HP1BP3: variants seen among roughly 807,000 people sequenced by gnomAD.
HP1BP3 encodes heterochromatin protein 1 binding protein 3.
Under a neutral mutation model 62.5 loss-of-function variants are expected in HP1BP3, and 12 were observed. The observed-to-expected ratio is 0.19, with a 90% confidence interval of 0.12 to 0.31. The LOEUF is 0.31. Among genes scored for constraint, HP1BP3 ranks in the 10% least tolerant of loss-of-function variants. The probability of loss-of-function intolerance (pLI) is 1.00; values close to 1 mark genes in which losing one functional copy is unlikely to be tolerated. For missense variants in HP1BP3, 502 were observed against 651.8 expected (o/e 0.77, Z 2.50); for synonymous variants, 260 against 237.8 (o/e 1.09, Z -0.86).
intron 1 of HP1BP3, among the ~76,000 whole-genome samples, chr1:20,783,562 G>A (rs1227372586): frequency 6.6e-6 from 1 of 150,950 alleles, no homozygotes; most frequent in Non-Finnish European, 1.5e-5. Flanking sequence ...AAAAAAAATA[G>A]AGATGTTAGA....
intron 8 of HP1BP3, among the ~76,000 whole-genome samples, chr1:20,759,303 T>G (rs952964318): frequency 6.6e-6 from 1 of 152,142 alleles, no homozygotes; most frequent in Admixed American, 6.5e-5. Flanking sequence ...GGGAGGCTGA[T>G]GAGGCAGAAG....
At chr1:20,765,993 A>G (rs2056764314) in intron 7 of HP1BP3, among the ~76,000 whole-genome samples, 1 of 146,754 alleles carries the variant, frequency 6.8e-6, no homozygotes, top group African/African-American at 2.5e-5. Context: ...AAAAAACACA[A>G]CAAAACAAGA....
chr1:20,765,871 A>C (rs1324642316), intron 7 of HP1BP3, among the ~76,000 whole-genome samples: 1 of 152,020 alleles, frequency 6.6e-6, no homozygotes. Flanking sequence ...AGGCTGAGGC[A>C]CAAGAACTGC....
Position 20,744,350 on chromosome 1 carries a change from AGGAG to A in HP1BP3, c.*443_*446del, listed in dbSNP as rs2055182081. 6.5e-6 allele frequency: 1 copy of A among 154,680 alleles called. No individual in the cohort carries two copies. The highest frequency in any genetic ancestry group is 1.4e-5 in the Non-Finnish European group (1 of 69,610). The allele number at this position is 154,680 out of a possible 1,614,324, so 9.6% of individuals were successfully genotyped here. ...ACAGCTATAACTGAAGTCTCCAGGC[AGGAG>A]GCTTTACAACTCAGTCAGTGCTATA... On this transcript the variant is annotated 3_prime_UTR_variant, in exon 13 of 13. Coordinates refer to ENST00000438032, the MANE Select transcript of HP1BP3 (RefSeq NM_001372052.1).
intron 10 of HP1BP3, among the ~76,000 whole-genome samples, chr1:20,749,427 C>T (rs1191336639): frequency 2.7e-5 from 4 of 150,256 alleles, no homozygotes; most frequent in South Asian, 2.1e-4. Context: ...GGTGCAATCT[C>T]GGCTCACTGC....
intron 1 of HP1BP3, among the ~76,000 whole-genome samples, chr1:20,782,592 AAAT>A (rs1412292693): frequency 6.6e-6 from 1 of 150,826 alleles, no homozygotes; most frequent in Non-Finnish European, 1.5e-5. Flanking sequence ...CAAGAAAAAA[AAAT>A]AATAATTTAA....
Position 20,742,335 on chromosome 1 carries a change from G to A in HP1BP3, c.*2462C>T, listed in dbSNP as rs1260892145. ...AGAATTTGATGTCTAGGATTTATCT[G>A]TTATCTTTTGCAGTACTGTAATTTT... is the stretch of plus-strand genomic sequence containing the variant. On this transcript the variant is annotated 3_prime_UTR_variant, in exon 13 of 13. Transcript: ENST00000438032. Among the ~76,000 whole-genome samples, 7 of 152,222 alleles carry A rather than the reference G, an allele frequency of 4.6e-5. No homozygotes were observed. The highest frequency in any genetic ancestry group is 8.8e-5 in the Non-Finnish European group (6 of 67,996).
chr1:20,779,740 A>T, intron 3 of HP1BP3, 72 bp downstream of exon 3: 4 of 959,462 alleles, frequency 4.2e-6, no homozygotes, highest in Non-Finnish European at 4.6e-6. Flanking sequence ...TTAAGTTCAA[A>T]GGAATTTATG....
chr1:20,784,304 A>C (rs1381993838), intron 1 of HP1BP3, among the ~76,000 whole-genome samples: 2 of 151,692 alleles, frequency 1.3e-5, no homozygotes, highest in Non-Finnish European at 2.9e-5. Context: ...TTACTATTGC[A>C]CTCTGAATGA....
intron 8 of HP1BP3, among the ~76,000 whole-genome samples, chr1:20,760,062 T>G (rs1357422226): frequency 6.6e-6 from 1 of 151,964 alleles, no homozygotes; most frequent in Non-Finnish European, 1.5e-5. Context: ...CTAATTTTTG[T>G]ATGCTTAGTA....
rs1292253461 is a variant in HP1BP3, at chr1:20,742,174, G to C, written c.*2623C>G. On this transcript the variant is annotated 3_prime_UTR_variant, in exon 13 of 13. Coordinates refer to ENST00000438032, the MANE Select transcript of HP1BP3 (RefSeq NM_001372052.1). Reference sequence around the variant, plus strand: ...GTCTCTTTAAAAGCAGTATCATAAAGCAAAGAAACCAACCAAAATCTCCCA... The same window carrying C: ...GTCTCTTTAAAAGCAGTATCATAAACCAAAGAAACCAACCAAAATCTCCCA... 2.6e-5 allele frequency among the ~76,000 whole-genome samples: 4 copies of C among 152,198 alleles called. No individual in the cohort carries two copies. The highest frequency in any genetic ancestry group is 2.0e-4 in the Admixed American group (3 of 15,278).
At position 20,744,686 on chromosome 1, in the gene HP1BP3, T is replaced by G; in HGVS notation, c.*111A>C. 2 of 1,023,658 alleles carry G rather than the reference T, an allele frequency of 2.0e-6. No individual in the cohort carries two copies. Among genetic ancestry groups the G allele is most frequent in the Non-Finnish European group, 2.8e-6 (2 of 707,464 alleles). 63.4% of individuals were successfully genotyped at this position (1,023,658 alleles called of 1,614,324 possible). A position where few individuals can be genotyped will look rare whatever the true frequency, so the allele number is the denominator to read the frequency against. On this transcript the variant is annotated 3_prime_UTR_variant, in exon 13 of 13. Coordinates refer to ENST00000438032, the MANE Select transcript of HP1BP3 (RefSeq NM_001372052.1). ...TTAGAGTCCCTCCCCACAATGTTCA[T>G]AGGGGAGGAAAATAATGTAATTTGA...
At chr1:20,765,235 C>CA in intron 8 of HP1BP3, 142 bp downstream of exon 8, 2 of 446,046 alleles carry the variant, frequency 4.5e-6, no homozygotes, top group Non-Finnish European at 7.4e-6. Flanking sequence ...CATAATGGGG[C>CA]AAAAAAATAA....
intron 1 of HP1BP3, chr1:20,786,785 G>A (rs1199664960): frequency 1.3e-5 from 2 of 152,358 alleles, no homozygotes; most frequent in African/African-American, 4.8e-5. Context: ...GAGGGCGCGG[G>A]CGGACGCCGG....
At chr1:20,779,416 T>G (rs1158995802) in intron 3 of HP1BP3, among the ~76,000 whole-genome samples, 1 of 152,136 alleles carries the variant, frequency 6.6e-6, no homozygotes, top group East Asian at 1.9e-4. Context: ...CACCATTTGC[T>G]TCTCTGAAGG....
intron 1 of HP1BP3, among the ~76,000 whole-genome samples, chr1:20,782,074 C>G (rs2057579398): frequency 1.3e-5 from 2 of 152,188 alleles, no homozygotes; most frequent in African/African-American, 4.8e-5. Flanking sequence ...CACGATAACA[C>G]TAGCTAGGCT....
intron 9 of HP1BP3, chr1:20,750,109 C>A (rs1170921998): frequency 2.6e-6 from 2 of 769,444 alleles, no homozygotes; most frequent in Non-Finnish European, 3.7e-6. Flanking sequence ...TACCCTCCAT[C>A]CACCCTAAAA....
chr1:20,746,875 G>T (rs1040181727), intron 11 of HP1BP3, among the ~76,000 whole-genome samples: 1 of 152,188 alleles, frequency 6.6e-6, no homozygotes, highest in Non-Finnish European at 1.5e-5. Flanking sequence ...AATTAGCTGG[G>T]TGTGGTGGCG....
Position 20,780,329 on chromosome 1 carries a change from A to C in HP1BP3, c.96+16T>G. On this transcript the variant is annotated intron_variant, in intron 2 of 12. Coordinates refer to ENST00000438032, the MANE Select transcript of HP1BP3 (RefSeq NM_001372052.1). The stretch of plus-strand genomic sequence containing the variant: ...ATTGATCCAAGAGTGAGCTTCAAGA[A>C]TGTGTCAGCCCCTACCTCACCTAAC... The C allele has an allele frequency of 1.3e-6, 2 of 1,582,450 alleles. No homozygotes were observed. Among genetic ancestry groups the C allele is most frequent in the Non-Finnish European group, 1.7e-6 (2 of 1,151,048 alleles).
Sources: gnomAD v4.1 joint callset for allele counts (sites outside exome capture counted in the v4.1 genomes callset) on GRCh38, gnomAD v4.1.1 for gene constraint, MANE v1.5 for transcripts, NCBI Gene and HGNC (gene_info 2026-07-23, HGNC 2026-07-21) for gene names.